The following PDE1A variants were observed in gnomAD, a reference collection of about 807,000 sequenced individuals.
The protein encoded by PDE1A is dual specificity calcium/calmodulin-dependent 3',5'-cyclic nucleotide phosphodiesterase 1A.
PDE1A carries 35 observed loss-of-function variants against 61.7 expected under a neutral mutation model. The ratio of observed to expected loss-of-function variants is 0.57; its 90% CI spans 0.43 to 0.75. The LOEUF is 0.75. Ranked by LOEUF, PDE1A falls within the 30% of genes least tolerant of loss-of-function variation. The pLI, the probability that PDE1A is intolerant of heterozygous loss-of-function variation, is 0.00. For missense variants in PDE1A, 597 were observed against 630.6 expected, an observed-to-expected ratio of 0.95 and a Z score of 0.57; for synonymous variants, 232 against 213.2, an observed-to-expected ratio of 1.09 and a Z score of -0.77.
intron 8 of PDE1A, among the ~76,000 whole-genome samples, chr2:182,205,519 C>T (rs115548540): frequency 1.9e-4 from 29 of 150,594 alleles, no homozygotes; most frequent in Non-Finnish European, 3.1e-4. Context: ...TTTTTTCCCA[C>T]GTTTAACTTT....
chr2:182,209,717 T>A (rs1480572154), intron 7 of PDE1A, among the ~76,000 whole-genome samples: 1 of 151,926 alleles, frequency 6.6e-6, no homozygotes, highest in Non-Finnish European at 1.5e-5. Context: ...TCACTCCCTC[T>A]CTTGCCACCA....
the PDE1A span, among the ~76,000 whole-genome samples, chr2:182,663,468 T>C: frequency 6.3e-4 from 96 of 152,172 alleles, 2 homozygotes; most frequent in Non-Finnish European, 4.4e-5. Flanking sequence ...GTGGTACATA[T>C]ATACTACAGA....
chr2:182,590,416 T>C, the PDE1A span, among the ~76,000 whole-genome samples: 1 of 151,948 alleles, frequency 6.6e-6, no homozygotes. Context: ...TGCAGTGAGC[T>C]ATGACTATGC....
intron 2 of PDE1A, among the ~76,000 whole-genome samples, chr2:182,487,667 G>A (rs1688103100): frequency 6.6e-6 from 1 of 152,166 alleles, no homozygotes; most frequent in Non-Finnish European, 1.5e-5. Context: ...GTGTGGGGAT[G>A]GGTAGGAGTG....
intron 1 of PDE1A, among the ~76,000 whole-genome samples, chr2:182,326,415 C>T (rs1398022989): frequency 6.6e-6 from 1 of 152,082 alleles, no homozygotes; most frequent in Non-Finnish European, 1.5e-5. Flanking sequence ...GTATATGTTA[C>T]AACATAGATA....
rs113584634 is a variant in PDE1A, at chr2:182,148,474, C to G, written c.1517-1322G>C. Among the ~76,000 whole-genome samples, 10 of 152,286 alleles carry G rather than the reference C, an allele frequency of 6.6e-5. 1 individual carries two copies. Among genetic ancestry groups the G allele is most frequent in the African/African-American group, 2.2e-4 (9 of 41,574 alleles). On this transcript the variant is annotated intron_variant, in intron 13 of 13. Transcript: ENST00000409365. ...TTTTCTGTGAGCACAGTCATGGGCT[C>G]TTAACAGAATTCTTGCCAAGGACCA...
chr2:182,657,257 C>T, the PDE1A span, among the ~76,000 whole-genome samples: 51,036 of 151,726 alleles, frequency 0.34, 8,863 homozygotes, highest in Middle Eastern at 0.4. Context: ...AACTATATTA[C>T]GTTAAATTTT....
chr2:182,462,909 T>G (rs1686401839), intron 2 of PDE1A, among the ~76,000 whole-genome samples: 1 of 152,204 alleles, frequency 6.6e-6, no homozygotes, highest in Non-Finnish European at 1.5e-5. Context: ...ATTTTTCTTA[T>G]GACTAATTTT....
At chr2:182,480,284 G>A (rs779484847) in intron 2 of PDE1A, among the ~76,000 whole-genome samples, 4 of 151,748 alleles carry the variant, frequency 2.6e-5, no homozygotes, top group Non-Finnish European at 4.4e-5. Context: ...AAAACACAAC[G>A]GTATTAAGTG....
At chr2:182,651,204 A>G in the PDE1A span, among the ~76,000 whole-genome samples, 1 of 152,092 alleles carries the variant, frequency 6.6e-6, no homozygotes, top group South Asian at 2.1e-4. Flanking sequence ...ATAGGGGTTC[A>G]CCATGTTGGC....
intron 2 of PDE1A, among the ~76,000 whole-genome samples, chr2:182,485,471 A>G (rs541640406): frequency 1.2e-4 from 18 of 152,162 alleles, no homozygotes; most frequent in African/African-American, 3.4e-4. Context: ...CCGTGACACA[A>G]GTTTACCTAT....
At chr2:182,618,383 C>T in the PDE1A span, among the ~76,000 whole-genome samples, 1 of 152,012 alleles carries the variant, frequency 6.6e-6, no homozygotes, top group African/African-American at 2.4e-5. Flanking sequence ...ATTATAATAG[C>T]AAGAATTAAG....
the PDE1A span, among the ~76,000 whole-genome samples, chr2:182,692,383 G>T: frequency 6.6e-6 from 1 of 152,010 alleles, no homozygotes; most frequent in South Asian, 2.1e-4. Flanking sequence ...CATGGATGAA[G>T]CTGGAAACCA....
chr2:182,609,539 C>G, the PDE1A span, among the ~76,000 whole-genome samples: 2 of 152,320 alleles, frequency 1.3e-5, no homozygotes, highest in South Asian at 2.1e-4. Context: ...ACGAACCCAC[C>G]AGGAGGAATG....
the PDE1A span, among the ~76,000 whole-genome samples, chr2:182,616,523 C>G: frequency 6.6e-6 from 1 of 152,196 alleles, no homozygotes. Context: ...CATACCTCAG[C>G]AACTCCAATA....
At chr2:182,233,637 G>A (rs1456696584) in intron 4 of PDE1A, among the ~76,000 whole-genome samples, 1 of 152,018 alleles carries the variant, frequency 6.6e-6, no homozygotes, top group Non-Finnish European at 1.5e-5. Flanking sequence ...TTAAATTCTT[G>A]GTTAATGTAG....
At chr2:182,218,032 A>G (rs906730755) in intron 7 of PDE1A, among the ~76,000 whole-genome samples, 1 of 149,174 alleles carries the variant, frequency 6.7e-6, no homozygotes, top group African/African-American at 2.5e-5. Flanking sequence ...ATGTCCAACA[A>G]TGATAGACTG....
intron 10 of PDE1A, among the ~76,000 whole-genome samples, chr2:182,191,719 C>G (rs1553529471): frequency 7.7e-6 from 1 of 130,502 alleles, no homozygotes; most frequent in Non-Finnish European, 1.6e-5. Context: ...TTTTTTTTGT[C>G]AAGATGCTGC....
the PDE1A span, among the ~76,000 whole-genome samples, chr2:182,611,985 T>C: frequency 1.3e-5 from 2 of 152,136 alleles, no homozygotes; most frequent in Non-Finnish European, 2.9e-5. Context: ...CACTGAACTC[T>C]GTCAAAACAA....
Sources: gnomAD v4.1 joint callset for allele counts (sites outside exome capture counted in the v4.1 genomes callset) on GRCh38, gnomAD v4.1.1 for gene constraint, MANE v1.5 for transcripts, NCBI Gene and HGNC (gene_info 2026-07-23, HGNC 2026-07-21) for gene names.